TRAPPC9: variants seen among roughly 807,000 people sequenced by gnomAD.
TRAPPC9 encodes IKK2 binding protein.
TRAPPC9 carries 83 observed loss-of-function variants against 124.0 expected under a neutral mutation model. The observed-to-expected ratio is 0.67, with a 90% CI of 0.56 to 0.80. TRAPPC9 has a LOEUF of 0.80. TRAPPC9 is among the 30% of genes least tolerant of loss of function. The pLI is 0.00. For synonymous variants in TRAPPC9, 638 were observed against 617.5 expected (o/e 1.03, Z -0.49); for missense variants, 1,302 against 1,508.3 (o/e 0.86, Z 2.27).
chr8:139,913,264 T>G (rs1447539522), intron 19 of TRAPPC9, among the ~76,000 whole-genome samples: 1 of 152,244 alleles, frequency 6.6e-6, no homozygotes, highest in Non-Finnish European at 1.5e-5. Flanking sequence ...TAAGGAGCAC[T>G]TGCTGTGTGC....
intron 17 of TRAPPC9, among the ~76,000 whole-genome samples, chr8:140,134,132 T>C (rs1055383333): frequency 1.3e-5 from 2 of 152,214 alleles, no homozygotes; most frequent in Admixed American, 1.3e-4. Context: ...TCACATGTCC[T>C]GATTTCAAAA....
intron 17 of TRAPPC9, among the ~76,000 whole-genome samples, chr8:140,215,235 CTCCT>C (rs1432506024): frequency 6.6e-6 from 1 of 152,186 alleles, no homozygotes; most frequent in African/African-American, 2.4e-5. Flanking sequence ...CGCACCCACG[CTCCT>C]TCCGTGGGTG....
chr8:140,390,944 T>G (rs1453723402), intron 7 of TRAPPC9, among the ~76,000 whole-genome samples: 1 of 152,214 alleles, frequency 6.6e-6, no homozygotes, highest in African/African-American at 2.4e-5. Flanking sequence ...TTCCTACTAC[T>G]TTCCCCCTTC....
At chr8:139,771,540 C>T (rs942195494) in intron 21 of TRAPPC9, among the ~76,000 whole-genome samples, 1 of 152,178 alleles carries the variant, frequency 6.6e-6, no homozygotes, top group Non-Finnish European at 1.5e-5. Context: ...AAATAAAAAA[C>T]ATGCAGGAGA....
At chr8:139,886,773 T>C (rs1306307922) in intron 20 of TRAPPC9, among the ~76,000 whole-genome samples, 2 of 152,182 alleles carry the variant, frequency 1.3e-5, no homozygotes. Flanking sequence ...GCAGGTGGTG[T>C]GGCCTTGAGG....
At chr8:139,998,647 A>T (rs1164659773) in intron 18 of TRAPPC9, among the ~76,000 whole-genome samples, 1 of 152,188 alleles carries the variant, frequency 6.6e-6, no homozygotes, top group Non-Finnish European at 1.5e-5. Context: ...GTGTGAAACC[A>T]GGAGGCAGAG....
chr8:140,149,189 G>A (rs774769467), intron 17 of TRAPPC9, among the ~76,000 whole-genome samples: 6 of 152,080 alleles, frequency 3.9e-5, no homozygotes, highest in Non-Finnish European at 8.8e-5. Context: ...CATTGCTCTG[G>A]TCTACCTGCA....
intron 17 of TRAPPC9, among the ~76,000 whole-genome samples, chr8:140,135,218 A>G (rs1023214051): frequency 6.6e-6 from 1 of 152,170 alleles, no homozygotes; most frequent in Non-Finnish European, 1.5e-5. Context: ...TGCTAGTGGG[A>G]GTGAAAATGG....
At chr8:139,809,955 G>A (rs1477958794) in intron 21 of TRAPPC9, among the ~76,000 whole-genome samples, 1 of 149,666 alleles carries the variant, frequency 6.7e-6, no homozygotes, top group Admixed American at 6.6e-5. Context: ...AAGCAGAGGT[G>A]CTAGAGGCAC....
At chr8:140,172,254 G>A (rs1291312235) in intron 17 of TRAPPC9, among the ~76,000 whole-genome samples, 2 of 152,066 alleles carry the variant, frequency 1.3e-5, no homozygotes, top group East Asian at 1.9e-4. Flanking sequence ...CCCCAGAGAC[G>A]GGAAGAGATA....
At chr8:140,258,219 G>C (rs1267846597) in intron 15 of TRAPPC9, among the ~76,000 whole-genome samples, 1 of 152,236 alleles carries the variant, frequency 6.6e-6, no homozygotes, top group Non-Finnish European at 1.5e-5. Context: ...CACGGCCTGA[G>C]GGAGCAGGAG....
At chr8:139,878,035 C>T (rs775473461) in intron 21 of TRAPPC9, among the ~76,000 whole-genome samples, 23 of 152,190 alleles carry the variant, frequency 1.5e-4, no homozygotes, top group Admixed American at 2.6e-4. Flanking sequence ...TGAGAATCCA[C>T]GCTGAGGGAA....
intron 18 of TRAPPC9, among the ~76,000 whole-genome samples, chr8:139,998,345 G>C (rs1838172704): frequency 6.6e-6 from 1 of 152,186 alleles, no homozygotes; most frequent in African/African-American, 2.4e-5. Context: ...ATAATACAGG[G>C]AAACTTGAAC....
intron 6 of TRAPPC9, among the ~76,000 whole-genome samples, chr8:140,402,075 T>C (rs1321282984): frequency 6.6e-6 from 1 of 152,076 alleles, no homozygotes; most frequent in Non-Finnish European, 1.5e-5. Context: ...CAATATGTTT[T>C]ATTCTGGGAG....
intron 19 of TRAPPC9, among the ~76,000 whole-genome samples, chr8:139,986,170 G>C (rs997655654): frequency 2.0e-5 from 3 of 152,220 alleles, no homozygotes; most frequent in Non-Finnish European, 4.4e-5. Flanking sequence ...TTGAACCCAG[G>C]AGGTGGAGGT....
chr8:139,816,102 G>C (rs1824815206), intron 21 of TRAPPC9, among the ~76,000 whole-genome samples: 1 of 152,254 alleles, frequency 6.6e-6, no homozygotes, highest in African/African-American at 2.4e-5. Flanking sequence ...GAAGCACAGA[G>C]TGGGTGGGAG....
intron 9 of TRAPPC9, among the ~76,000 whole-genome samples, chr8:140,335,842 G>T (rs1233535163): frequency 6.6e-6 from 1 of 151,682 alleles, no homozygotes; most frequent in Admixed American, 6.6e-5. Context: ...GAGTAGCTGG[G>T]ATTACAGGCT....
At chr8:140,081,730 A>G (rs1843832621) in intron 17 of TRAPPC9, among the ~76,000 whole-genome samples, 1 of 152,206 alleles carries the variant, frequency 6.6e-6, no homozygotes, top group Admixed American at 6.5e-5. Flanking sequence ...AACCATGTCA[A>G]GTCGCACGTT....
chr8:139,730,792 C>T lies in TRAPPC9; in HGVS notation c.*269G>A, dbSNP rs991157935. 1.6e-5 allele frequency: 8 copies of T among 506,308 alleles called. No homozygotes were observed. Among genetic ancestry groups the T allele is most frequent in the Non-Finnish European group, 2.5e-5 (7 of 281,226 alleles). The allele number at this position is 506,308 out of a possible 1,614,324, so 31.4% of individuals were successfully genotyped here. On this transcript the variant is annotated 3_prime_UTR_variant, in exon 23 of 23. Transcript: ENST00000438773. The stretch of plus-strand genomic sequence containing the variant: ...CCTGGGACCTGGGCTGGATGGGCAC[C>T]CGCTTTGGGATTTCCTCTGCTTCAG...
Sources: gnomAD v4.1 joint callset for allele counts (sites outside exome capture counted in the v4.1 genomes callset) on GRCh38, gnomAD v4.1.1 for gene constraint, MANE v1.5 for transcripts, NCBI Gene and HGNC (gene_info 2026-07-23, HGNC 2026-07-21) for gene names.